Variants in NF2 observed in about 807,000 individuals in gnomAD.
NF2 encodes merlin.
In NF2, 8 loss-of-function variants were observed where a neutral mutation model predicts 83.7. That is an observed-to-expected ratio of 0.10 (90% CI 0.06 to 0.17). The LOEUF (loss-of-function observed/expected upper bound fraction) is 0.17. Among genes scored for constraint, NF2 ranks in the 10% least tolerant of loss-of-function variants. NF2 has a pLI of 1.00. For missense variants in NF2, 533 were observed against 744.4 expected, an observed-to-expected ratio of 0.72 and a Z score of 3.31; for synonymous variants, 266 against 269.6, an observed-to-expected ratio of 0.99 and a Z score of 0.13.
intron 8 of NF2, among the ~76,000 whole-genome samples, chr22:29,662,059 A>G (rs1329027314): frequency 2.6e-5 from 4 of 152,220 alleles, no homozygotes; most frequent in African/African-American, 9.6e-5. Flanking sequence ...CCCATAATGT[A>G]TAATCTTATG....
At chr22:29,653,650 A>G (rs2066218319) in intron 4 of NF2, among the ~76,000 whole-genome samples, 1 of 152,168 alleles carries the variant, frequency 6.6e-6, no homozygotes, top group Admixed American at 6.5e-5. Flanking sequence ...CTGTAGTTTT[A>G]GGCCGCTTCA....
At chr22:29,609,174 T>G (rs751853847) in intron 1 of NF2, 15 of 747,846 alleles carry the variant, frequency 2.0e-5, no homozygotes, top group Non-Finnish European at 3.8e-5. Flanking sequence ...GGCCTTGCCA[T>G]AAAACCAGGA....
intron 1 of NF2, among the ~76,000 whole-genome samples, chr22:29,625,743 A>G (rs1487871926): frequency 1.3e-5 from 2 of 152,250 alleles, no homozygotes; most frequent in African/African-American, 4.8e-5. Flanking sequence ...GTCCTAGTGC[A>G]GGAATCTGTG....
At chr22:29,658,752 C>T (rs1316077838) in intron 7 of NF2, among the ~76,000 whole-genome samples, 1 of 151,928 alleles carries the variant, frequency 6.6e-6, no homozygotes, top group East Asian at 1.9e-4. Context: ...CTGCTGTCTG[C>T]TGGGAACCCA....
At chr22:29,688,896 C>T (rs2067331976) in intron 15 of NF2, among the ~76,000 whole-genome samples, 1 of 152,298 alleles carries the variant, frequency 6.6e-6, no homozygotes. Flanking sequence ...AAAGCTTGAT[C>T]TGGGCCGGAC....
intron 11 of NF2, among the ~76,000 whole-genome samples, chr22:29,672,391 G>A (rs2066823635): frequency 7.0e-6 from 1 of 143,120 alleles, no homozygotes; most frequent in Non-Finnish European, 1.5e-5. Flanking sequence ...TCAGCTTACT[G>A]CAATCTTCAC....
intron 3 of NF2, 97 bp downstream of exon 3, chr22:29,639,309 C>A: frequency 6.9e-7 from 1 of 1,442,134 alleles, no homozygotes; most frequent in Non-Finnish European, 9.7e-7. Flanking sequence ...CTTTGTATTG[C>A]AAAAATATTC....
chr22:29,696,275 A>C lies in NF2; in HGVS notation c.*1473A>C, dbSNP rs757990941. The C allele has an allele frequency of 1.9e-5, 4 of 214,726 alleles. No individual in the cohort carries two copies. Among genetic ancestry groups the C allele is most frequent in the Non-Finnish European group, 3.8e-5 (4 of 106,660 alleles). 13.3% of individuals were successfully genotyped at this position (214,726 alleles called of 1,614,324 possible). A position where few individuals can be genotyped will look rare whatever the true frequency, so the allele number is the denominator to read the frequency against. On this transcript the variant is annotated 3_prime_UTR_variant, in exon 16 of 16. Transcript: ENST00000338641. ...TTTTTAATAGGGACGGGGTTTTGCC[A>C]TGTTAGCTAGGCTGGTCTCAAACTC...
chr22:29,668,080 G>C (rs2066676253), intron 9 of NF2, among the ~76,000 whole-genome samples: 1 of 128,264 alleles, frequency 7.8e-6, no homozygotes, highest in South Asian at 2.2e-4. Flanking sequence ...AGAAGACATG[G>C]TGAAGTGTCC....
At chr22:29,627,085 C>A (rs1212836620) in intron 1 of NF2, among the ~76,000 whole-genome samples, 2 of 152,050 alleles carry the variant, frequency 1.3e-5, no homozygotes, top group Non-Finnish European at 2.9e-5. Context: ...CACACATAAA[C>A]TAAAGGTGAA....
intron 13 of NF2, 27 bp from the exon 14 acceptor site, chr22:29,678,169 T>C (rs1339125486): frequency 1.2e-6 from 2 of 1,613,338 alleles, no homozygotes; most frequent in East Asian, 2.2e-5. Flanking sequence ...TGACCCAAGC[T>C]CCTAATCCGA....
intron 1 of NF2, among the ~76,000 whole-genome samples, chr22:29,627,091 G>C (rs2065386759): frequency 1.3e-5 from 2 of 152,134 alleles, no homozygotes; most frequent in Admixed American, 1.3e-4. Context: ...TAAACTAAAG[G>C]TGAAGTCATT....
intron 15 of NF2, among the ~76,000 whole-genome samples, chr22:29,690,102 G>A (rs374529830): frequency 1.3e-5 from 2 of 152,208 alleles, no homozygotes; most frequent in African/African-American, 4.8e-5. Context: ...TTTGTCACAG[G>A]TGCCTTCCAG....
At chr22:29,617,225 A>G (rs1303504023) in intron 1 of NF2, among the ~76,000 whole-genome samples, 1 of 152,156 alleles carries the variant, frequency 6.6e-6, no homozygotes, top group Non-Finnish European at 1.5e-5. Context: ...CACTGTGTCC[A>G]TCCAGGAAAG....
At chr22:29,639,038 C>G in intron 2 of NF2, 52 bp from the exon 3 acceptor site, 2 of 1,613,818 alleles carry the variant, frequency 1.2e-6, no homozygotes, top group Non-Finnish European at 1.7e-6. Flanking sequence ...GAGGGTAGCA[C>G]AGGAGGAAGT....
At chr22:29,616,737 C>T (rs1424872077) in intron 1 of NF2, among the ~76,000 whole-genome samples, 3 of 148,034 alleles carry the variant, frequency 2.0e-5, no homozygotes, top group South Asian at 2.1e-4. Context: ...AGTGAAACTC[C>T]GTCTCAAGAA....
intron 13 of NF2, among the ~76,000 whole-genome samples, chr22:29,677,197 G>A (rs929001341): frequency 3.3e-5 from 5 of 152,154 alleles, no homozygotes; most frequent in Admixed American, 6.6e-5. Flanking sequence ...GGGTGGAATC[G>A]CAGAAGAACC....
At chr22:29,620,462 G>A (rs1328060185) in intron 1 of NF2, among the ~76,000 whole-genome samples, 1 of 151,846 alleles carries the variant, frequency 6.6e-6, no homozygotes, top group East Asian at 1.9e-4. Context: ...AGGGTTGGCC[G>A]GGCATGGTGG....
chr22:29,676,611 T>A (rs2066971145), intron 13 of NF2, among the ~76,000 whole-genome samples: 1 of 152,244 alleles, frequency 6.6e-6, no homozygotes, highest in Non-Finnish European at 1.5e-5. Flanking sequence ...GTGGATGGAT[T>A]GTAATTTATT....
Sources: gnomAD v4.1 joint callset for allele counts (sites outside exome capture counted in the v4.1 genomes callset) on GRCh38, gnomAD v4.1.1 for gene constraint, MANE v1.5 for transcripts, NCBI Gene and HGNC (gene_info 2026-07-23, HGNC 2026-07-21) for gene names.